Variants in PCNX1 observed in about 807,000 individuals in gnomAD.
PCNX1 encodes pecanex 1.
PCNX1 carries 78 observed loss-of-function variants against 242.2 expected under a neutral mutation model. That is an observed-to-expected ratio of 0.32 (90% CI 0.27 to 0.39). The LOEUF (loss-of-function observed/expected upper bound fraction) is 0.39. PCNX1 is among the 10% of genes least tolerant of loss of function. PCNX1 has a pLI of 1.00. For synonymous variants in PCNX1, 1,024 were observed against 1,032.9 expected (o/e 0.99, Z 0.17); for missense variants, 2,581 against 2,856.5 (o/e 0.90, Z 2.20).
At position 71,113,717 on chromosome 14, in the gene PCNX1, GTAA is replaced by G. The variant is rs1297296553; in HGVS notation, c.*3787_*3789del. On this transcript the variant is annotated 3_prime_UTR_variant, in exon 36 of 36. Coordinates refer to ENST00000304743, the MANE Select transcript of PCNX1 (RefSeq NM_014982.3). Reference sequence around the variant, plus strand: ...AATAAATATGTGACTTGAGAAAAAGGTAATAATGATTTTGTCAGAATTCTTTGA... The same window carrying G: ...AATAAATATGTGACTTGAGAAAAAGGTAATGATTTTGTCAGAATTCTTTGA... 6.6e-6 allele frequency: 1 copy of G among 152,178 alleles called. No individual in the cohort carries two copies. The highest frequency in any genetic ancestry group is 2.4e-5 in the African/African-American group (1 of 41,438). 9.4% of individuals were successfully genotyped at this position (152,178 alleles called of 1,614,324 possible). A position where few individuals can be genotyped will look rare whatever the true frequency, so the allele number is the denominator to read the frequency against.
chr14:71,077,802 G>A (rs960830454), intron 28 of PCNX1, among the ~76,000 whole-genome samples: 1 of 152,142 alleles, frequency 6.6e-6, no homozygotes, highest in Non-Finnish European at 1.5e-5. Context: ...TTCGCGTACT[G>A]TTCTCAAATC....
chr14:70,990,905 T>G (rs2059144710), intron 7 of PCNX1, among the ~76,000 whole-genome samples: 1 of 152,180 alleles, frequency 6.6e-6, no homozygotes, highest in South Asian at 2.1e-4. Flanking sequence ...TTTTTGCCCC[T>G]TGAATAATAC....
chr14:71,000,526 A>ATTT (rs3083305), intron 8 of PCNX1, among the ~76,000 whole-genome samples: 3,805 of 126,646 alleles, frequency 0.03, 208 homozygotes, highest in African/African-American at 0.1. Context: ...CTGTCCCTTG[A>ATTT]TTTTTTTTTT....
chr14:71,057,783 C>A, intron 26 of PCNX1, 59 bp downstream of exon 26: 1 of 1,144,502 alleles, frequency 8.7e-7, no homozygotes, highest in Non-Finnish European at 1.3e-6. Flanking sequence ...CTTAGTTTTA[C>A]ATGTTTCTAT....
intron 8 of PCNX1, among the ~76,000 whole-genome samples, chr14:71,008,617 C>T (rs1367698789): frequency 2.2e-5 from 3 of 136,516 alleles, no homozygotes; most frequent in African/African-American, 8.5e-5. Context: ...GATTGCGCCA[C>T]TGCACTCCAG....
chr14:70,985,661 T>G (rs889111148), intron 6 of PCNX1, among the ~76,000 whole-genome samples: 7 of 152,228 alleles, frequency 4.6e-5, no homozygotes, highest in South Asian at 2.1e-4. Flanking sequence ...TATTTTATAC[T>G]TCTTGTCATT....
chr14:70,924,633 G>T (rs921678301), intron 1 of PCNX1, among the ~76,000 whole-genome samples: 7 of 151,760 alleles, frequency 4.6e-5, no homozygotes, highest in African/African-American at 1.7e-4. Context: ...TCTCACCCAG[G>T]CTGGAGTGCA....
At chr14:70,986,756 G>T (rs956076594) in intron 6 of PCNX1, among the ~76,000 whole-genome samples, 1 of 152,046 alleles carries the variant, frequency 6.6e-6, no homozygotes, top group African/African-American at 2.4e-5. Flanking sequence ...ACAGTATCTA[G>T]AACTAGAAAA....
intron 2 of PCNX1, among the ~76,000 whole-genome samples, chr14:70,952,692 A>G (rs1446251877): frequency 1.3e-5 from 2 of 152,140 alleles, no homozygotes; most frequent in African/African-American, 2.4e-5. Flanking sequence ...AGAATAGACC[A>G]TAGTCTATTT....
At chr14:70,987,813 C>CAATA (rs1413680253) in intron 6 of PCNX1, among the ~76,000 whole-genome samples, 2 of 152,078 alleles carry the variant, frequency 1.3e-5, no homozygotes, top group East Asian at 3.9e-4. Context: ...AAAGTACAAA[C>CAATA]AATAAAGTAC....
At chr14:71,090,215 A>T (rs1305950040) in intron 30 of PCNX1, among the ~76,000 whole-genome samples, 1 of 152,204 alleles carries the variant, frequency 6.6e-6, no homozygotes, top group Non-Finnish European at 1.5e-5. Context: ...ATAACATTAA[A>T]GTGAGGCCCC....
At chr14:70,991,914 T>C (rs2059177230) in intron 7 of PCNX1, among the ~76,000 whole-genome samples, 1 of 152,200 alleles carries the variant, frequency 6.6e-6, no homozygotes, top group Non-Finnish European at 1.5e-5. Flanking sequence ...TTTTAAACTT[T>C]AATGAATATG....
At chr14:71,015,068 AAC>A (rs1393432345) in intron 11 of PCNX1, among the ~76,000 whole-genome samples, 1 of 152,212 alleles carries the variant, frequency 6.6e-6, no homozygotes, top group Non-Finnish European at 1.5e-5. Flanking sequence ...AAAAGAAAAA[AAC>A]CCTGTCAACC....
At chr14:71,018,941 C>G in intron 11 of PCNX1, 68 bp from the exon 12 acceptor site, 1 of 1,316,926 alleles carries the variant, frequency 7.6e-7, no homozygotes, top group East Asian at 2.4e-5. Context: ...GTCTTCCCTT[C>G]CCTTTTTTCC....
chr14:70,945,831 C>G (rs919854260), intron 1 of PCNX1, among the ~76,000 whole-genome samples: 2 of 152,138 alleles, frequency 1.3e-5, no homozygotes, highest in African/African-American at 4.8e-5. Context: ...CTACGCCTGG[C>G]TAGAGGTTAC....
At chr14:70,943,393 T>C (rs553078921) in intron 1 of PCNX1, among the ~76,000 whole-genome samples, 3 of 152,326 alleles carry the variant, frequency 2.0e-5, no homozygotes, top group Admixed American at 6.5e-5. Context: ...GAGGAACTTA[T>C]TAGGGACTGG....
intron 7 of PCNX1, among the ~76,000 whole-genome samples, chr14:70,995,284 T>A (rs945798645): frequency 6.6e-6 from 1 of 152,232 alleles, no homozygotes; most frequent in African/African-American, 2.4e-5. Context: ...TAAACTTGTT[T>A]TATTGTGAGT....
chr14:70,931,699 T>G (rs930541202), intron 1 of PCNX1, among the ~76,000 whole-genome samples: 1 of 152,232 alleles, frequency 6.6e-6, no homozygotes, highest in Non-Finnish European at 1.5e-5. Context: ...CCAAAAAAAT[T>G]AAGTTCAGTT....
chr14:71,104,103 G>A (rs1275313763), intron 32 of PCNX1, among the ~76,000 whole-genome samples: 1 of 152,166 alleles, frequency 6.6e-6, no homozygotes, highest in Admixed American at 6.5e-5. Context: ...TGATGGCAAT[G>A]CAGAGATACT....
Sources: gnomAD v4.1 joint callset for allele counts (sites outside exome capture counted in the v4.1 genomes callset) on GRCh38, gnomAD v4.1.1 for gene constraint, MANE v1.5 for transcripts, NCBI Gene and HGNC (gene_info 2026-07-23, HGNC 2026-07-21) for gene names.